The following TBCD variants were observed in gnomAD, a reference collection of about 807,000 sequenced individuals.
TBCD encodes tubulin-specific chaperone D.
In TBCD, 105 loss-of-function variants were observed where a neutral mutation model predicts 169.3. The observed-to-expected ratio is 0.62, with a 90% CI of 0.53 to 0.73. The LOEUF is 0.73. Ranked by LOEUF, TBCD falls within the 30% of genes least tolerant of loss-of-function variation. The pLI, the probability that TBCD is intolerant of heterozygous loss-of-function variation, is 0.00. For missense variants in TBCD, 1,444 were observed against 1,600.1 expected, an observed-to-expected ratio of 0.90 and a Z score of 1.66; for synonymous variants, 700 against 643.9, an observed-to-expected ratio of 1.09 and a Z score of -1.32.
intron 17 of TBCD, among the ~76,000 whole-genome samples, chr17:82,896,453 GTTTTTTTTT>G (rs1014108505): frequency 3.3e-5 from 3 of 91,430 alleles, no homozygotes; most frequent in South Asian, 4.0e-4. Context: ...TGTGCTGTCA[GTTTTTTTTT>G]TTTTTTTTTT....
At chr17:82,924,893 G>A (rs1434872786) in intron 26 of TBCD, 46 bp from the exon 27 acceptor site, 5 of 1,480,590 alleles carry the variant, frequency 3.4e-6, no homozygotes, top group East Asian at 2.5e-5. Context: ...GGCTGTACAC[G>A]ATGGGCAGCA....
intron 13 of TBCD, chr17:82,830,318 C>G (rs2053366571): frequency 6.2e-7 from 1 of 1,614,044 alleles, no homozygotes; most frequent in African/African-American, 1.3e-5. Flanking sequence ...GTGGGTGTGT[C>G]TTGCCGGCAG....
chr17:82,752,142 G>A lies in TBCD; in HGVS notation c.-52G>A, dbSNP rs1170599734. 6.8e-7 allele frequency: 1 copy of A among 1,460,286 alleles called. No individual in the cohort carries two copies. Among genetic ancestry groups the A allele is most frequent in the Non-Finnish European group, 9.0e-7 (1 of 1,109,024 alleles). 90.5% of individuals were successfully genotyped at this position (1,460,286 alleles called of 1,614,324 possible). On this transcript the variant is annotated 5_prime_UTR_variant, in exon 1 of 39. Coordinates refer to ENST00000355528, the MANE Select transcript of TBCD (RefSeq NM_005993.5). ...CATCCCTGGCTTTCGCGCTCTAGCG[G>A]AGTGGGATCTGCGAACACGTGAGGC...
At chr17:82,752,456 C>G in intron 1 of TBCD, 79 bp downstream of exon 1, 1 of 1,105,302 alleles carries the variant, frequency 9.0e-7, no homozygotes. Flanking sequence ...CGGGCGGGGA[C>G]CGCAGCCCGG....
intron 14 of TBCD, among the ~76,000 whole-genome samples, chr17:82,878,372 G>T (rs2058108738): frequency 6.6e-6 from 1 of 152,238 alleles, no homozygotes; most frequent in South Asian, 2.1e-4. Flanking sequence ...ACCCCAGACA[G>T]AAGCCATGTG....
Position 82,764,654 on chromosome 17 carries a change from G to T in TBCD, c.333+592G>T, listed in dbSNP as rs528950097. Among the ~76,000 whole-genome samples the T allele has an allele frequency of 2.0e-5, 3 of 152,332 alleles. No individual in the cohort carries two copies. In the South Asian group the frequency reaches 6.2e-4, roughly 32 times the overall value. On this transcript the variant is annotated intron_variant, in intron 3 of 38. Transcript: ENST00000355528. ...AGCGAGACTCTGTGGAAATGGAAGT[G>T]CTTCTCACACTTTAATGTGCAGATG...
At chr17:82,767,004 G>C (rs1175237577) in intron 4 of TBCD, among the ~76,000 whole-genome samples, 1 of 152,208 alleles carries the variant, frequency 6.6e-6, no homozygotes, top group Non-Finnish European at 1.5e-5. Flanking sequence ...CGAAATTCCA[G>C]ACCCCCAGCA....
At position 82,926,386 on chromosome 17, in the gene TBCD, T is replaced by C. The variant is rs1302259930; in HGVS notation, c.2380-14T>C. The C allele has an allele frequency of 6.2e-7, 1 of 1,613,106 alleles. No homozygotes were observed. The highest frequency in any genetic ancestry group is 2.2e-5 in the East Asian group (1 of 44,888). On this transcript the variant is annotated splice_polypyrimidine_tract_variant and intron_variant, in intron 27 of 38. Transcript: ENST00000355528. ...TAGCTTATGGTTCTTCTGTGATTCT[T>C]TATTGCTTTCCAGGTTCTCACAGGT... is the stretch of plus-strand genomic sequence containing the variant.
At chr17:82,898,221 G>A (rs1202612397) in intron 17 of TBCD, among the ~76,000 whole-genome samples, 2 of 119,726 alleles carry the variant, frequency 1.7e-5, no homozygotes, top group Non-Finnish European at 3.5e-5. Context: ...ACGGCTCTGG[G>A]TTTTGGTGGG....
intron 5 of TBCD, among the ~76,000 whole-genome samples, chr17:82,769,542 C>G (rs1247120417): frequency 6.6e-6 from 1 of 152,220 alleles, no homozygotes; most frequent in Non-Finnish European, 1.5e-5. Context: ...CGTTCAAACA[C>G]TCATAGATTA....
At chr17:82,936,371 G>A (rs564712902) in intron 34 of TBCD, among the ~76,000 whole-genome samples, 13 of 151,586 alleles carry the variant, frequency 8.6e-5, no homozygotes, top group African/African-American at 2.7e-4. Flanking sequence ...CCGCTTCGCC[G>A]TTCCCTGCGG....
At chr17:82,807,585 G>C in intron 10 of TBCD, 23 bp from the exon 11 acceptor site, 1 of 1,483,554 alleles carries the variant, frequency 6.7e-7, no homozygotes, top group East Asian at 2.6e-5. Flanking sequence ...ACTCTGTCAC[G>C]CATCACCTTC....
At chr17:82,821,065 C>G (rs1420015006) in intron 13 of TBCD, among the ~76,000 whole-genome samples, 1 of 152,208 alleles carries the variant, frequency 6.6e-6, no homozygotes, top group Non-Finnish European at 1.5e-5. Flanking sequence ...AAGCAGCTCT[C>G]CCGCCTCAGC....
intron 4 of TBCD, among the ~76,000 whole-genome samples, chr17:82,766,594 GC>G (rs1199630312): frequency 6.6e-6 from 1 of 151,884 alleles, no homozygotes; most frequent in African/African-American, 2.4e-5. Context: ...AAAAAATTAT[GC>G]CTAGGTGTAG....
At chr17:82,776,184 A>G (rs1429903750) in intron 6 of TBCD, among the ~76,000 whole-genome samples, 1 of 152,070 alleles carries the variant, frequency 6.6e-6, no homozygotes, top group East Asian at 1.9e-4. Flanking sequence ...GCACCATTGC[A>G]CTCCAGCCTG....
Position 82,789,282 on chromosome 17 carries a change from C to T in TBCD, c.771+7561C>T, listed in dbSNP as rs528745050. 6.6e-5 allele frequency among the ~76,000 whole-genome samples: 10 copies of T among 152,322 alleles called. No homozygotes were observed. Among genetic ancestry groups the T allele is most frequent in the African/African-American group, 1.7e-4 (7 of 41,590 alleles). ...ATTTTATGTGGGGCGGGCACAGTGCCGTGAGTCTTACAGAAACCTGCATGG... is the reference window on the plus strand; with the variant it reads ...ATTTTATGTGGGGCGGGCACAGTGCTGTGAGTCTTACAGAAACCTGCATGG... On this transcript the variant is annotated intron_variant, in intron 7 of 38. Coordinates refer to ENST00000355528, the MANE Select transcript of TBCD (RefSeq NM_005993.5). This position sits in a 1 kb window ranked among gnomAD's most constrained non-coding sequence, Gnocchi z 4.8.
chr17:82,754,318 G>A (rs766232382), intron 1 of TBCD, among the ~76,000 whole-genome samples: 6 of 152,184 alleles, frequency 3.9e-5, no homozygotes, highest in Non-Finnish European at 7.3e-5. Context: ...TCGCGTCTGC[G>A]TGGGGCCCCA....
rs756891794 is a variant in TBCD at position 82,800,954 on chromosome 17, G to A, written c.908G>A (p.Arg303Gln). ...LRKLGVKLVQ[R>Q]LGLTFLKPKV... ...AAGCTGGGGGTGAAGCTTGTGCAGCGACTGGGGCTGACATTCCTGAAGCCG... is the reference window on the plus strand; with the variant it reads ...AAGCTGGGGGTGAAGCTTGTGCAGCAACTGGGGCTGACATTCCTGAAGCCG... Residue 303 changes from arginine to glutamine, a missense_variant, in exon 9 of 39, where the codon CGA (arginine) becomes CAA (glutamine). Physicochemically the swap from Arg to Gln is conservative, Grantham distance 43. Coordinates refer to ENST00000355528, the MANE Select transcript of TBCD (RefSeq NM_005993.5). The A allele has an allele frequency of 2.5e-6, 4 of 1,611,800 alleles. No individual in the cohort carries two copies. The highest frequency in any genetic ancestry group is 1.1e-5 in the South Asian group (1 of 90,936).
At chr17:82,908,491 C>A (rs58579286) in intron 21 of TBCD, 2 of 401,780 alleles carry the variant, frequency 5.0e-6, no homozygotes, top group South Asian at 1.8e-5. Flanking sequence ...AAATTGTTCA[C>A]GAGGGATTAC....
Sources: gnomAD v4.1 joint callset for allele counts (sites outside exome capture counted in the v4.1 genomes callset) on GRCh38, gnomAD v4.1.1 for gene constraint, Gnocchi (gnomAD v3.1) non-coding constraint, MANE v1.5 for transcripts, NCBI Gene and HGNC (gene_info 2026-07-23, HGNC 2026-07-21) for gene names.